The following DLGAP5 variants were observed in gnomAD, a reference collection of about 807,000 sequenced individuals.
DLGAP5 encodes the protein disks large-associated protein 5.
In DLGAP5, 90 loss-of-function variants were observed where a neutral mutation model predicts 99.6. The observed-to-expected ratio is 0.90, with a 90% CI of 0.76 to 1.08. The LOEUF (loss-of-function observed/expected upper bound fraction) is 1.08, where lower values mean the gene tolerates loss of function less well. Ranked by LOEUF, DLGAP5 falls within the 50% of genes least tolerant of loss-of-function variation. DLGAP5 has a pLI of 0.00. For missense variants in DLGAP5, 1,036 were observed against 983.5 expected (o/e 1.05, Z -0.71); for synonymous variants, 311 against 321.3 (o/e 0.97, Z 0.34).
At chr14:55,184,019 G>T (rs1414171142) in intron 2 of DLGAP5, among the ~76,000 whole-genome samples, 1 of 152,114 alleles carries the variant, frequency 6.6e-6, no homozygotes, top group African/African-American at 2.4e-5. Flanking sequence ...TGGGTGTGGT[G>T]GCGGTCACCT....
Position 55,181,235 on chromosome 14 carries a change from T to C in DLGAP5, c.558A>G (p.Lys186=), listed in dbSNP as rs1218271133. ...TACCTTTTTTCTCTTTGTCTGACAC[T>C]TTCTTTTCAGAAGTTTGTCTTGGAC... The part of the protein sequence containing the change: ...RPGPRQTSEK[K]VSDKEKKVVQ... Residue 186 remains lysine, a synonymous_variant, in exon 5 of 19, where the codon AAA becomes AAG. Coordinates refer to ENST00000247191, the MANE Select transcript of DLGAP5 (RefSeq NM_014750.5). 6.2e-7 allele frequency: 1 copy of C among 1,614,050 alleles called. No individual in the cohort carries two copies. The highest frequency in any genetic ancestry group is 1.3e-5 in the African/African-American group (1 of 74,942).
intron 10 of DLGAP5, among the ~76,000 whole-genome samples, chr14:55,175,048 A>C (rs1303588582): frequency 6.6e-6 from 1 of 152,210 alleles, no homozygotes; most frequent in Non-Finnish European, 1.5e-5. Flanking sequence ...CTACATATGC[A>C]TGAACTATCC....
At chr14:55,187,480 A>G (rs1883471557) in intron 2 of DLGAP5, among the ~76,000 whole-genome samples, 1 of 151,666 alleles carries the variant, frequency 6.6e-6, no homozygotes, top group Non-Finnish European at 1.5e-5. Flanking sequence ...CACCACACCC[A>G]GCTAATTTTT....
intron 10 of DLGAP5, among the ~76,000 whole-genome samples, chr14:55,174,837 T>C (rs1883000253): frequency 6.6e-6 from 1 of 152,068 alleles, no homozygotes; most frequent in South Asian, 2.1e-4. Flanking sequence ...ACTACAGGCG[T>C]GCACCACCAC....
At chr14:55,181,075 A>G (rs1220591043) in intron 5 of DLGAP5, 138 bp downstream of exon 5, 3 of 831,722 alleles carry the variant, frequency 3.6e-6, no homozygotes, top group South Asian at 1.8e-5. Flanking sequence ...TGATTGTGCC[A>G]CTGCACTCCA....
chr14:55,173,857 T>C (rs958966680), intron 10 of DLGAP5, among the ~76,000 whole-genome samples: 1 of 152,156 alleles, frequency 6.6e-6, no homozygotes, highest in Non-Finnish European at 1.5e-5. Context: ...TACTTTAATC[T>C]CTTAATCCTG....
intron 17 of DLGAP5, among the ~76,000 whole-genome samples, 182 bp from the exon 18 acceptor site, chr14:55,151,030 A>T (rs184258875): frequency 6.6e-6 from 1 of 152,356 alleles, no homozygotes; most frequent in East Asian, 1.9e-4. Flanking sequence ...CTTTGGTATA[A>T]AAGCAGACTT....
At chr14:55,148,687 CA>C (rs1566491087) in intron 18 of DLGAP5, 1 of 828,974 alleles carries the variant, frequency 1.2e-6, no homozygotes, top group Non-Finnish European at 1.9e-6. Context: ...GATCCCACCT[CA>C]AAAACAAACA....
chr14:55,181,902 G>A (rs1594682789), intron 4 of DLGAP5, among the ~76,000 whole-genome samples: 1 of 152,188 alleles, frequency 6.6e-6, no homozygotes, highest in African/African-American at 2.4e-5. Context: ...ACAACACCAG[G>A]AACATCATAG....
chr14:55,167,390 T>G (rs1434665645), intron 12 of DLGAP5, among the ~76,000 whole-genome samples: 1 of 152,080 alleles, frequency 6.6e-6, no homozygotes, highest in Non-Finnish European at 1.5e-5. Flanking sequence ...TTATGAAAAC[T>G]GGTAAATATA....
At chr14:55,177,430 T>C in intron 7 of DLGAP5, 94 bp from the exon 8 acceptor site, 1 of 1,152,540 alleles carries the variant, frequency 8.7e-7, no homozygotes, top group South Asian at 1.6e-5. Flanking sequence ...ACAACAGAAA[T>C]ATATGTTCTA....
intron 7 of DLGAP5, among the ~76,000 whole-genome samples, chr14:55,178,225 C>T (rs1883150769): frequency 6.6e-6 from 1 of 151,884 alleles, no homozygotes; most frequent in East Asian, 1.9e-4. Context: ...GCACTTCAGC[C>T]TGGGCGACAG....
chr14:55,176,776 A>G (rs1485157773), intron 8 of DLGAP5, among the ~76,000 whole-genome samples: 1 of 151,968 alleles, frequency 6.6e-6, no homozygotes, highest in African/African-American at 2.4e-5. Flanking sequence ...CAGGAGATCG[A>G]GACCATCCTG....
At chr14:55,175,075 G>C (rs71412669) in intron 10 of DLGAP5, among the ~76,000 whole-genome samples, 1 of 152,200 alleles carries the variant, frequency 6.6e-6, no homozygotes, top group African/African-American at 2.4e-5. Flanking sequence ...GTATTCACAA[G>C]AAATGAGTAA....
intron 13 of DLGAP5, among the ~76,000 whole-genome samples, chr14:55,160,156 T>C (rs1882366484): frequency 6.6e-6 from 1 of 152,054 alleles, no homozygotes; most frequent in Non-Finnish European, 1.5e-5. Context: ...TGAGCCAAGA[T>C]TGTGCCACTG....
chr14:55,175,430 T>C lies in DLGAP5; in HGVS notation c.1217A>G (p.Asn406Ser). ...NKNEATTKNL[N>S]GLPIKEVPSL... ...TGGGACTTCTTTTATTGGAAGGCCA[T>C]TTAAATTTTTAGTAGTAGCTTCATT... Residue 406 changes from asparagine (N) to serine (S), a missense_variant, in exon 10 of 19, where the codon AAT becomes AGT. Physicochemically the swap from Asn to Ser is conservative, Grantham distance 46. Coordinates refer to ENST00000247191, the MANE Select transcript of DLGAP5 (RefSeq NM_014750.5). 6.7e-7 allele frequency: 1 copy of C among 1,497,412 alleles called. No individual in the cohort carries two copies. Among genetic ancestry groups the C allele is most frequent in the Non-Finnish European group, 9.3e-7 (1 of 1,080,970 alleles). 92.8% of individuals were successfully genotyped at this position (1,497,412 alleles called of 1,614,324 possible).
At chr14:55,182,296 G>T in intron 4 of DLGAP5, 74 bp downstream of exon 4, 2 of 1,245,522 alleles carry the variant, frequency 1.6e-6, no homozygotes, top group Non-Finnish European at 2.3e-6. Flanking sequence ...TCTGATACTA[G>T]ATTTAAAATG....
intron 12 of DLGAP5, among the ~76,000 whole-genome samples, chr14:55,168,499 T>C (rs1476727187): frequency 2.0e-5 from 3 of 152,230 alleles, no homozygotes; most frequent in African/African-American, 7.2e-5. Flanking sequence ...TCAATGTCTA[T>C]TGTTGGCTGT....
chr14:55,154,694 T>G lies in DLGAP5; in HGVS notation c.1986A>C (p.Ser662=). 3.7e-6 allele frequency: 6 copies of G among 1,614,088 alleles called. No homozygotes were observed. Among genetic ancestry groups the G allele is most frequent in the Non-Finnish European group, 5.1e-6 (6 of 1,179,980 alleles). ...NEMGIPQQTT[S]PENAGPQNTK... ...TATTCTGAGGACCGGCATTTTCTGG[T>G]GATGTAGTTTGTTGTGGAATGCCCA... The change falls in exon 15 of 19, where the codon TCA becomes TCC. Residue 662 remains serine (S), a synonymous_variant. Transcript: ENST00000247191.
Sources: allele counts gnomAD v4.1 joint callset (sites outside exome capture counted in the v4.1 genomes callset), GRCh38; gene constraint gnomAD v4.1.1; transcripts MANE v1.5; gene names NCBI Gene and HGNC (gene_info 2026-07-23, HGNC 2026-07-21).